RAD50: variants seen among roughly 807,000 people sequenced by gnomAD.
The protein encoded by RAD50 is DNA repair protein RAD50.
RAD50 carries 132 observed loss-of-function variants against 168.8 expected under a neutral mutation model. That is an observed-to-expected ratio of 0.78 (90% confidence interval 0.68 to 0.90). The LOEUF (loss-of-function observed/expected upper bound fraction) is 0.90, where lower values mean the gene tolerates loss of function less well. Ranked by LOEUF, RAD50 falls within the 40% of genes least tolerant of loss-of-function variation. RAD50 has a pLI of 0.00. For synonymous variants in RAD50, 525 were observed against 497.4 expected, an observed-to-expected ratio of 1.06 and a Z score of -0.74; for missense variants, 1,347 against 1,534.4, an observed-to-expected ratio of 0.88 and a Z score of 2.04.
chr5:132,567,940 A>T (rs1750235898), intron 2 of RAD50, among the ~76,000 whole-genome samples: 1 of 152,238 alleles, frequency 6.6e-6, no homozygotes, highest in African/African-American at 2.4e-5. Flanking sequence ...TGTGCAGAAT[A>T]TAATTTTAAA....
At chr5:132,579,216 T>TG in intron 3 of RAD50, 101 bp from the exon 4 acceptor site, 1 of 1,282,828 alleles carries the variant, frequency 7.8e-7, no homozygotes. Context: ...AAGGGCCTTT[T>TG]TTTTTATTCT....
In RAD50 at chr5:132,635,175, T is replaced by C. The variant is rs543904491; in HGVS notation, c.3390-1940T>C. Among the ~76,000 whole-genome samples the C allele has an allele frequency of 1.7e-3, 252 of 152,366 alleles. 1 individual carries two copies. Among genetic ancestry groups the C allele is most frequent in the African/African-American group, 5.8e-3 (242 of 41,590 alleles). ...ATATCCTAGCCACTTTTCTCTGATC[T>C]TGAACAAGTCACTGATTTCATTGAA... On this transcript the variant is annotated intron_variant, in intron 21 of 24. Coordinates refer to ENST00000378823, the MANE Select transcript of RAD50 (RefSeq NM_005732.4).
chr5:132,594,758 C>G, intron 11 of RAD50, 111 bp from the exon 12 acceptor site: 1 of 1,154,614 alleles, frequency 8.7e-7, no homozygotes, highest in Non-Finnish European at 1.3e-6. Context: ...TTGGTCATAC[C>G]AAACTCTTGT....
intron 16 of RAD50, among the ~76,000 whole-genome samples, chr5:132,606,236 A>G (rs1243177129): frequency 6.6e-6 from 1 of 152,212 alleles, no homozygotes; most frequent in Non-Finnish European, 1.5e-5. Flanking sequence ...CAAGACTAAT[A>G]CAGAAGAAAA....
At chr5:132,578,568 G>A (rs1373550618) in intron 3 of RAD50, among the ~76,000 whole-genome samples, 4 of 58,490 alleles carry the variant, frequency 6.8e-5, no homozygotes, top group Non-Finnish European at 1.2e-4. Context: ...TTTCGCTCTT[G>A]TTTCCCAGGC....
intron 21 of RAD50, among the ~76,000 whole-genome samples, chr5:132,628,520 C>T (rs1751406961): frequency 6.6e-6 from 1 of 151,962 alleles, no homozygotes; most frequent in African/African-American, 2.4e-5. Flanking sequence ...GAAGCCCGGT[C>T]AAGTTGGGTG....
intron 21 of RAD50, among the ~76,000 whole-genome samples, chr5:132,628,898 T>C (rs566566584): frequency 3.3e-5 from 5 of 152,132 alleles, no homozygotes; most frequent in Admixed American, 6.5e-5. Flanking sequence ...ATAATTCTTA[T>C]AACAACTTCT....
intron 2 of RAD50, among the ~76,000 whole-genome samples, chr5:132,571,003 A>G (rs1284984409): frequency 6.6e-6 from 1 of 152,160 alleles, no homozygotes; most frequent in Non-Finnish European, 1.5e-5. Context: ...GTCTCAGGCA[A>G]TCAGGTTCCA....
At position 132,644,516 on chromosome 5, in the gene RAD50, T is replaced by TCATTCA. The variant is rs1751808797; in HGVS notation, c.*2152_*2153insCATTCA. The TCATTCA allele has an allele frequency of 1.1e-5, 2 of 180,764 alleles. No individual in the cohort carries two copies. The highest frequency in any genetic ancestry group is 4.7e-5 in the African/African-American group (2 of 42,428). The allele number at this position is 180,764 out of a possible 1,614,324, so 11.2% of individuals were successfully genotyped here. On this transcript the variant is annotated 3_prime_UTR_variant, in exon 25 of 25. Coordinates refer to ENST00000378823, the MANE Select transcript of RAD50 (RefSeq NM_005732.4). ...AGTGGGTAAAATGGTACATATTTTG[T>TCATTCA]AGGGTTGTTATGAAGATTGAATGAC...
At chr5:132,625,578 A>G (rs554319981) in intron 21 of RAD50, among the ~76,000 whole-genome samples, 1 of 152,176 alleles carries the variant, frequency 6.6e-6, no homozygotes, top group Non-Finnish European at 1.5e-5. Flanking sequence ...CTATTTAGTT[A>G]TTTTTAAATG....
At position 132,604,969 on chromosome 5, in the gene RAD50, T is replaced by C. The variant is rs537257801; in HGVS notation, c.2688T>C (p.Thr896=). 2.1e-5 allele frequency: 34 copies of C among 1,613,600 alleles called. No individual in the cohort carries two copies. The African/African-American group carries it at 4.0e-4, about 19-fold the overall frequency. ...QLEEQTVELS[T]EVQSLYREIK... ...AGGAGCAGACTGTGGAATTATCCACTGAAGTTCAGTCTTTGTACAGAGAGA... is the reference window on the plus strand; with the variant it reads ...AGGAGCAGACTGTGGAATTATCCACCGAAGTTCAGTCTTTGTACAGAGAGA... The change falls in exon 16 of 25, where the codon ACT becomes ACC. Residue 896 remains threonine (T), a synonymous_variant. Coordinates refer to ENST00000378823, the MANE Select transcript of RAD50 (RefSeq NM_005732.4).
chr5:132,594,863 T>C lies in RAD50; in HGVS notation c.1794-6T>C. 2 of 1,597,434 alleles carry C rather than the reference T, an allele frequency of 1.3e-6. No individual in the cohort carries two copies. The highest frequency in any genetic ancestry group is 1.7e-5 in the Admixed American group (1 of 59,906). On this transcript the variant is annotated splice_polypyrimidine_tract_variant and splice_region_variant and intron_variant, in intron 11 of 24. Coordinates refer to ENST00000378823, the MANE Select transcript of RAD50 (RefSeq NM_005732.4). ...AAATGAAAATCCATATTTGCTCTTA[T>C]TTTAGCAAGGAACTAGCTTCATCTG... is the stretch of plus-strand genomic sequence containing the variant.
At chr5:132,611,047 A>G (rs765760537) in intron 19 of RAD50, among the ~76,000 whole-genome samples, 7 of 152,222 alleles carry the variant, frequency 4.6e-5, no homozygotes, top group Non-Finnish European at 7.3e-5. Flanking sequence ...AGAAGTGTAT[A>G]AAAAGTATGC....
intron 16 of RAD50, among the ~76,000 whole-genome samples, chr5:132,606,141 G>A (rs1444110850): frequency 6.6e-6 from 1 of 152,052 alleles, no homozygotes; most frequent in African/African-American, 2.4e-5. Context: ...GAGCAGAACT[G>A]AAGGAGATAC....
intron 19 of RAD50, among the ~76,000 whole-genome samples, chr5:132,610,421 T>C (rs1255242483): frequency 6.6e-6 from 1 of 152,160 alleles, no homozygotes; most frequent in Non-Finnish European, 1.5e-5. Flanking sequence ...AAGAAATTAA[T>C]TTCTATAGTA....
chr5:132,619,971 C>T (rs1331712370), intron 21 of RAD50, among the ~76,000 whole-genome samples: 1 of 150,106 alleles, frequency 6.7e-6, no homozygotes. Flanking sequence ...GTGGCGCCAT[C>T]TCGGCTCACT....
chr5:132,567,180 AT>A (rs367787392), intron 2 of RAD50, among the ~76,000 whole-genome samples: 6,200 of 148,050 alleles, frequency 0.042, 351 homozygotes, highest in African/African-American at 0.13. Context: ...ATCTTTAATG[AT>A]TTTTTTTTTT....
chr5:132,614,716 A>G (rs1751146614), intron 19 of RAD50, among the ~76,000 whole-genome samples: 5 of 150,688 alleles, frequency 3.3e-5, no homozygotes, highest in Admixed American at 2.6e-4. Context: ...TTTTTCCCCA[A>G]TATTTTTGAT....
At chr5:132,560,982 C>T (rs1750115410) in intron 2 of RAD50, among the ~76,000 whole-genome samples, 2 of 152,194 alleles carry the variant, frequency 1.3e-5, no homozygotes, top group Admixed American at 1.3e-4. Context: ...TTTTCCTCCA[C>T]TAAAAGTGCC....
Sources: allele counts gnomAD v4.1 joint callset (sites outside exome capture counted in the v4.1 genomes callset), GRCh38; gene constraint gnomAD v4.1.1; transcripts MANE v1.5; gene names NCBI Gene and HGNC (gene_info 2026-07-23, HGNC 2026-07-21).